The following LHFPL3 variants were observed in gnomAD, a reference collection of about 807,000 sequenced individuals.
LHFPL3 encodes the protein LHFPL tetraspan subfamily member 3 protein.
A neutral mutation model predicts 19.3 loss-of-function variants in LHFPL3; 5 were observed. The ratio of observed to expected loss-of-function variants is 0.26; its 90% CI spans 0.14 to 0.54. The LOEUF (loss-of-function observed/expected upper bound fraction) is 0.54. LHFPL3 is among the 20% of genes least tolerant of loss of function. The pLI is 0.94. For synonymous variants in LHFPL3, 133 were observed against 126.2 expected (o/e 1.05, Z -0.36); for missense variants, 249 against 307.4 (o/e 0.81, Z 1.42).
At chr7:104,508,281 A>G (rs1408744868) in intron 1 of LHFPL3, among the ~76,000 whole-genome samples, 2 of 151,944 alleles carry the variant, frequency 1.3e-5, no homozygotes, top group African/African-American at 4.8e-5. Context: ...ATGCAGCCAT[A>G]AAAAATGATG....
At chr7:104,688,065 T>C (rs1425695404) in intron 1 of LHFPL3, among the ~76,000 whole-genome samples, 1 of 152,240 alleles carries the variant, frequency 6.6e-6, no homozygotes, top group Non-Finnish European at 1.5e-5. Flanking sequence ...CAGAGATTTA[T>C]GCAAAATAAA....
chr7:104,746,272 A>G (rs1173027954), intron 2 of LHFPL3, among the ~76,000 whole-genome samples: 1 of 152,158 alleles, frequency 6.6e-6, no homozygotes, highest in African/African-American at 2.4e-5. Flanking sequence ...AGATCATGCC[A>G]CTGCACTCCA....
intron 1 of LHFPL3, among the ~76,000 whole-genome samples, chr7:104,350,118 A>G (rs1790144631): frequency 6.6e-6 from 1 of 152,228 alleles, no homozygotes; most frequent in South Asian, 2.1e-4. Flanking sequence ...GCCCAGGATC[A>G]TACAGCTACA....
At chr7:104,615,442 T>G (rs1233374918) in intron 1 of LHFPL3, among the ~76,000 whole-genome samples, 1 of 152,186 alleles carries the variant, frequency 6.6e-6, no homozygotes, top group Non-Finnish European at 1.5e-5. Context: ...AGAAAAATAG[T>G]TCTAACAGAA....
chr7:104,355,923 A>G (rs1161224370), intron 1 of LHFPL3, among the ~76,000 whole-genome samples: 1 of 152,238 alleles, frequency 6.6e-6, no homozygotes, highest in East Asian at 1.9e-4. Flanking sequence ...TCATTTTAAT[A>G]AGAAATATAT....
chr7:104,685,358 A>ACC (rs1792784549), intron 1 of LHFPL3, among the ~76,000 whole-genome samples: 1 of 152,208 alleles, frequency 6.6e-6, no homozygotes, highest in Admixed American at 6.5e-5. Context: ...AGAAAAATAA[A>ACC]TAAATATAGA....
intron 2 of LHFPL3, among the ~76,000 whole-genome samples, chr7:104,810,676 G>T (rs1353615546): frequency 6.6e-6 from 1 of 152,154 alleles, no homozygotes; most frequent in Non-Finnish European, 1.5e-5. Flanking sequence ...ATAAAAGGAG[G>T]TGTTATTAGT....
rs28616832 is a variant in LHFPL3 at position 104,809,084 on chromosome 7, G to A, written c.682+72173G>A. Among the ~76,000 whole-genome samples, 1,464 of 151,904 alleles carry A rather than the reference G, an allele frequency of 9.6e-3. 26 individuals are homozygous for A. Among genetic ancestry groups the A allele is most frequent in the African/African-American group, 0.032 (1,335 of 41,456 alleles). On this transcript the variant is annotated intron_variant, in intron 2 of 2. Transcript: ENST00000424859. ...TAATTTTTGTATTTTTAGTAGAGAC[G>A]GGGTTTCACCATGTTGATCAGGCTG... is the stretch of plus-strand genomic sequence containing the variant.
chr7:104,480,488 CT>C (rs2115654808), intron 1 of LHFPL3, among the ~76,000 whole-genome samples: 2 of 152,232 alleles, frequency 1.3e-5, no homozygotes, highest in East Asian at 3.9e-4. Context: ...TAAACAGCAA[CT>C]TTACTTGAAA....
At chr7:104,640,210 C>A (rs1247966686) in intron 1 of LHFPL3, among the ~76,000 whole-genome samples, 1 of 152,134 alleles carries the variant, frequency 6.6e-6, no homozygotes, top group East Asian at 1.9e-4. Context: ...CGCCCATCAA[C>A]CCATCATCTA....
intron 1 of LHFPL3, among the ~76,000 whole-genome samples, chr7:104,563,440 A>C (rs1790056592): frequency 6.6e-6 from 1 of 152,296 alleles, no homozygotes; most frequent in Non-Finnish European, 1.5e-5. Context: ...GAGTGACCCG[A>C]TTTTCCAGGT....
intron 1 of LHFPL3, among the ~76,000 whole-genome samples, chr7:104,597,328 A>T (rs1159756351): frequency 2.6e-5 from 4 of 152,246 alleles, no homozygotes; most frequent in African/African-American, 9.6e-5. Context: ...ACTAAAAAAT[A>T]AACTTTCCAT....
At chr7:104,782,872 G>A (rs529118722) in intron 2 of LHFPL3, among the ~76,000 whole-genome samples, 24 of 152,332 alleles carry the variant, frequency 1.6e-4, no homozygotes, top group Non-Finnish European at 3.1e-4. Flanking sequence ...TGTACATTCC[G>A]TTCCCTTTGC....
At chr7:104,415,256 A>AG (rs1281919085) in intron 1 of LHFPL3, among the ~76,000 whole-genome samples, 2 of 152,246 alleles carry the variant, frequency 1.3e-5, no homozygotes, top group African/African-American at 4.8e-5. Context: ...ACAACAGAAT[A>AG]GTGAAGGCAC....
At chr7:104,813,529 T>C (rs924007325) in intron 2 of LHFPL3, among the ~76,000 whole-genome samples, 17 of 152,146 alleles carry the variant, frequency 1.1e-4, no homozygotes, top group Non-Finnish European at 2.4e-4. Flanking sequence ...CAGGCTGTGC[T>C]GGGTTCATGC....
chr7:104,415,026 A>G (rs117974633), intron 1 of LHFPL3, among the ~76,000 whole-genome samples: 343 of 152,338 alleles, frequency 2.3e-3, no homozygotes, highest in Middle Eastern at 6.8e-3. Context: ...TTAGCATATA[A>G]TTGAGATCAT....
At chr7:104,835,583 C>CT (rs71155528) in intron 2 of LHFPL3, among the ~76,000 whole-genome samples, 76,328 of 143,680 alleles carry the variant, frequency 0.53, 21,024 homozygotes, top group South Asian at 0.68. Context: ...ACTTTGTTTT[C>CT]TTTTTTTTTT....
At chr7:104,641,420 G>A (rs2115894615) in intron 1 of LHFPL3, among the ~76,000 whole-genome samples, 1 of 152,288 alleles carries the variant, frequency 6.6e-6, no homozygotes, top group East Asian at 1.9e-4. Flanking sequence ...ACACAAATGA[G>A]CTAATTTTGT....
intron 1 of LHFPL3, chr7:104,668,962 C>T (rs1198227417): frequency 2.2e-5 from 35 of 1,612,226 alleles, no homozygotes; most frequent in Non-Finnish European, 3.0e-5. Flanking sequence ...CCCAAGCTGG[C>T]AAAGTGAAGA....
Sources: gnomAD v4.1 joint callset for allele counts (sites outside exome capture counted in the v4.1 genomes callset) on GRCh38, gnomAD v4.1.1 for gene constraint, MANE v1.5 for transcripts, NCBI Gene and HGNC (gene_info 2026-07-23, HGNC 2026-07-21) for gene names.